Variants in UBE2Q1 observed in about 807,000 individuals in gnomAD.
The protein encoded by UBE2Q1 is ubiquitin conjugating enzyme E2 Q1.
UBE2Q1 carries 6 observed loss-of-function variants against 60.1 expected under a neutral mutation model. The observed-to-expected ratio is 0.10, with a 90% CI of 0.05 to 0.20. UBE2Q1 has a LOEUF of 0.20. UBE2Q1 is among the 10% of genes least tolerant of loss of function. The pLI, the probability that UBE2Q1 is intolerant of heterozygous loss-of-function variation, is 1.00. For missense variants in UBE2Q1, 262 were observed against 525.8 expected (o/e 0.50, Z 4.91); for synonymous variants, 226 against 208.3 (o/e 1.09, Z -0.73).
rs372252308 is a variant in UBE2Q1 at position 154,555,589 on chromosome 1, T to C, written c.433-57A>G. On this transcript the variant is annotated intron_variant, in intron 2 of 12. Transcript: ENST00000292211. ...CCTTCCCCACTCCGATCTGGATAAG[T>C]GCATGGATGAGCTCTTAGTTTGGGC... 9 of 1,508,626 alleles carry C rather than the reference T, an allele frequency of 6.0e-6. No individual in the cohort carries two copies. The African/African-American group carries it at 8.2e-5, about 14-fold the overall frequency. The allele number at this position is 1,508,626 out of a possible 1,614,324, so 93.5% of individuals were successfully genotyped here.
At chr1:154,554,009 G>A (rs1358116559) in intron 4 of UBE2Q1, among the ~76,000 whole-genome samples, 2 of 152,206 alleles carry the variant, frequency 1.3e-5, no homozygotes, top group Non-Finnish European at 2.9e-5. Flanking sequence ...CCCATTTCTG[G>A]CAGGACATAC....
rs1695759141 is a variant in UBE2Q1 at position 154,549,670 on chromosome 1, G to C, written c.*768C>G. 6.6e-6 allele frequency: 1 copy of C among 152,606 alleles called. No homozygotes were observed. Among genetic ancestry groups the C allele is most frequent in the Admixed American group, 6.5e-5 (1 of 15,282 alleles). The allele number at this position is 152,606 out of a possible 1,614,324, so 9.5% of individuals were successfully genotyped here. A position where few individuals can be genotyped will look rare whatever the true frequency, so the allele number is the denominator to read the frequency against. The stretch of plus-strand genomic sequence containing the variant: ...CTCATTTTCTTTTTCTTAGAAATTT[G>C]AAAACATCTGTGACTAGAAAAGTAG... On this transcript the variant is annotated 3_prime_UTR_variant, in exon 13 of 13. Transcript: ENST00000292211.
chr1:154,555,825 G>A lies in UBE2Q1; in HGVS notation c.432+35C>T. On this transcript the variant is annotated intron_variant, in intron 2 of 12. Coordinates refer to ENST00000292211, the MANE Select transcript of UBE2Q1 (RefSeq NM_017582.7). Reference sequence around the variant, plus strand: ...TGCCTTTGTGGCATGGGCCTCATAAGAACAAAATGTACCCCTACCCTGTGG... The same window carrying A: ...TGCCTTTGTGGCATGGGCCTCATAAAAACAAAATGTACCCCTACCCTGTGG... 5 of 1,594,840 alleles carry A rather than the reference G, an allele frequency of 3.1e-6. No individual in the cohort carries two copies. In the Middle Eastern group the frequency reaches 6.6e-4, roughly 212 times the overall value.
rs760934058 is a variant in UBE2Q1, at chr1:154,552,094, T to G, written c.965A>C (p.Lys322Thr). 1 of 1,614,130 alleles carries G rather than the reference T, an allele frequency of 6.2e-7. No homozygotes were observed. The highest frequency in any genetic ancestry group is 1.7e-5 in the Admixed American group (1 of 60,018). ...GAGACTGGAAAAGAAAAGTCTTACTTTAAAGGAAAAGTTAAGTAGAATGAA... is the reference window on the plus strand; with the variant it reads ...GAGACTGGAAAAGAAAAGTCTTACTGTAAAGGAAAAGTTAAGTAGAATGAA... ...ADFILLNFSF[K>T]DNFPFDPPFV... The change falls in exon 8 of 13, where the codon AAA becomes ACA. Residue 322 changes from lysine to threonine, a missense_variant and splice_region_variant. Lys to Thr is a moderately conservative substitution (Grantham distance 78, BLOSUM62 -1). Around this residue, in one of 5 missense-constraint regions of UBE2Q1, gnomAD observed 111 missense variants for 266.8 expected, o/e 0.42. Transcript: ENST00000292211.
chr1:154,558,467 G>A lies in UBE2Q1; in HGVS notation c.87C>T (p.Gly29=). Reference sequence around the variant, plus strand: ...CCGGCCCCGGGCCCCCCCCTGGGCCGCCCCCGGCCCCCGGCGCCGCCCCCT... The same window carrying A: ...CCGGCCCCGGGCCCCCCCCTGGGCCACCCCCGGCCCCCGGCGCCGCCCCCT... ...GGQGAAPGAG[G]GPGGGPGPGP... is the part of the protein sequence containing the mutation. Residue 29 remains glycine (G), a synonymous_variant, in exon 1 of 13, where the codon GGC becomes GGT. Transcript: ENST00000292211. 1.6e-6 allele frequency: 2 copies of A among 1,231,606 alleles called. No homozygotes were observed. Among genetic ancestry groups the A allele is most frequent in the Non-Finnish European group, 2.0e-6 (2 of 988,254 alleles). The allele number at this position is 1,231,606 out of a possible 1,614,324, so 76.3% of individuals were successfully genotyped here. A position where few individuals can be genotyped will look rare whatever the true frequency, so the allele number is the denominator to read the frequency against.
chr1:154,551,986 G>T lies in UBE2Q1; in HGVS notation c.967-7C>A, dbSNP rs769264431. 15 of 1,614,210 alleles carry T rather than the reference G, an allele frequency of 9.3e-6. No homozygotes were observed. The highest frequency in any genetic ancestry group is 1.3e-5 in the Non-Finnish European group (15 of 1,180,044). On this transcript the variant is annotated splice_polypyrimidine_tract_variant and splice_region_variant and intron_variant, in intron 8 of 12. Coordinates refer to ENST00000292211, the MANE Select transcript of UBE2Q1 (RefSeq NM_017582.7). ...GGTCAAAGGGAAAGTTATCCTGAGA[G>T]AGAGAGAGACGACAATCAGGGGAGG...
Position 154,558,649 on chromosome 1 carries a change from G to T in UBE2Q1, c.-96C>A. 1.1e-6 allele frequency: 1 copy of T among 878,168 alleles called. No individual in the cohort carries two copies. Among genetic ancestry groups the T allele is most frequent in the Non-Finnish European group, 1.4e-6 (1 of 739,954 alleles). The allele number at this position is 878,168 out of a possible 1,614,324, so 54.4% of individuals were successfully genotyped here. ...CCGCCGCCGCCGCCGCCGCCGCCGCGGTCCGCACTTCCTGATCCCCCCTTC... is the reference window on the plus strand; with the variant it reads ...CCGCCGCCGCCGCCGCCGCCGCCGCTGTCCGCACTTCCTGATCCCCCCTTC... On this transcript the variant is annotated 5_prime_UTR_variant, in exon 1 of 13. Coordinates refer to ENST00000292211, the MANE Select transcript of UBE2Q1 (RefSeq NM_017582.7).
At chr1:154,555,765 T>A (rs1246210387) in intron 2 of UBE2Q1, 95 bp downstream of exon 2, 1 of 1,180,030 alleles carries the variant, frequency 8.5e-7, no homozygotes, top group East Asian at 2.4e-5. Context: ...TGTTTAGCTG[T>A]GTACCGTCCA....
At chr1:154,551,212 TAGGGGTGCCCCTAGGGGCCA>T in intron 11 of UBE2Q1, 165 bp downstream of exon 11, 1 of 835,254 alleles carries the variant, frequency 1.2e-6, no homozygotes, top group Non-Finnish European at 1.9e-6. Context: ...CCAAAAGTCC[TAGGGGTGCCCCTAGGGGCCA>T]AGGCACAGTT....
At position 154,554,684 on chromosome 1, in the gene UBE2Q1, T is replaced by C. The variant is rs1044889190; in HGVS notation, c.588+51A>G. ...GGAGTTCTGGATATGGGTACCAATGTTGCTGACTGCAAGAGCTTCCAGCCA... is the reference window on the plus strand; with the variant it reads ...GGAGTTCTGGATATGGGTACCAATGCTGCTGACTGCAAGAGCTTCCAGCCA... On this transcript the variant is annotated intron_variant, in intron 4 of 12. Transcript: ENST00000292211. 5 of 1,589,144 alleles carry C rather than the reference T, an allele frequency of 3.1e-6. No homozygotes were observed. The South Asian group carries it at 3.3e-5, about 11-fold the overall frequency.
In UBE2Q1 at chr1:154,558,614, T is replaced by TCCGGCCTGCGCTCCGGGCTCCG. The variant is rs1695938041; in HGVS notation, c.-62_-61insCGGAGCCCGGAGCGCAGGCCGG. On this transcript the variant is annotated 5_prime_UTR_variant, in exon 1 of 13. Coordinates refer to ENST00000292211, the MANE Select transcript of UBE2Q1 (RefSeq NM_017582.7). ...GGAGCCTCCGGCCTGCGCTCCGGGC[T>TCCGGCCTGCGCTCCGGGCTCCG]CCGCCGCCGCCGCCGCCGCCGCCGC... 1 of 751,250 alleles carries TCCGGCCTGCGCTCCGGGCTCCG rather than the reference T, an allele frequency of 1.3e-6. No homozygotes were observed. Among genetic ancestry groups the TCCGGCCTGCGCTCCGGGCTCCG allele is most frequent in the Admixed American group, 6.5e-5 (1 of 15,384 alleles). 46.5% of individuals were successfully genotyped at this position (751,250 alleles called of 1,614,324 possible). A position where few individuals can be genotyped will look rare whatever the true frequency, so the allele number is the denominator to read the frequency against.
At chr1:154,555,832 A>G in intron 2 of UBE2Q1, 28 bp downstream of exon 2, 1 of 1,605,078 alleles carries the variant, frequency 6.2e-7, no homozygotes, top group Non-Finnish European at 8.5e-7. Flanking sequence ...TAAGAACAAA[A>G]TGTACCCCTA....
rs1297518207 is a variant in UBE2Q1, at chr1:154,558,282, A to G, written c.272T>C (p.Leu91Pro). ...AGAGAAPGPH[L>P]PPRGSVPGDP... ...CCCAGGCACCGACCCCCGTGGGGGG[A>G]GATGCGGTCCGGGCGCGGCCCCCGC... Residue 91 changes from leucine (L) to proline (P), a missense_variant, in exon 1 of 13, where the codon CTC (leucine) becomes CCC (proline). Coordinates refer to ENST00000292211, the MANE Select transcript of UBE2Q1 (RefSeq NM_017582.7). 1.9e-6 allele frequency: 3 copies of G among 1,580,322 alleles called. No homozygotes were observed. Among genetic ancestry groups the G allele is most frequent in the Non-Finnish European group, 2.6e-6 (3 of 1,166,312 alleles).
chr1:154,551,375 G>C, intron 11 of UBE2Q1, 22 bp downstream of exon 11: 3 of 1,612,224 alleles, frequency 1.9e-6, no homozygotes, highest in Non-Finnish European at 2.5e-6. Context: ...AGCCCCACCA[G>C]CCCCAGGACC....
intron 4 of UBE2Q1, among the ~76,000 whole-genome samples, chr1:154,553,407 A>G (rs773047616): frequency 1.3e-5 from 2 of 152,238 alleles, no homozygotes; most frequent in Non-Finnish European, 2.9e-5. Context: ...TTCGGAAACG[A>G]GCAGAGCTGC....
Position 154,555,491 on chromosome 1 carries a change from T to C in UBE2Q1, c.474A>G (p.Lys158=). The C allele has an allele frequency of 6.2e-7, 1 of 1,613,826 alleles. No individual in the cohort carries two copies. Among genetic ancestry groups the C allele is most frequent in the Non-Finnish European group, 8.5e-7 (1 of 1,179,946 alleles). The part of the protein sequence containing the change: ...HLKRIISDLC[K]LYNLPQHPDV... ...CTGGATGCTGAGGGAGGTTATAGAG[T>C]TTACACAGGTCGGAGATGATCCTCT... Residue 158 remains lysine, a synonymous_variant, in exon 3 of 13, where the codon AAA becomes AAG. Transcript: ENST00000292211.
chr1:154,557,466 CA>C (rs1695912682), intron 1 of UBE2Q1, among the ~76,000 whole-genome samples: 1 of 152,208 alleles, frequency 6.6e-6, no homozygotes, highest in African/African-American at 2.4e-5. Context: ...ATGACGCTCA[CA>C]GGGGAGAAAT....
chr1:154,558,573 CG>C lies in UBE2Q1; in HGVS notation c.-21del. On this transcript the variant is annotated 5_prime_UTR_variant, in exon 1 of 13. Transcript: ENST00000292211. ...CTGCATCCTCCGCTCCGCTCCGCTC[CG>C]GGGCCGGCGGGCCGGGAGCCTCCGG... 4 of 1,024,064 alleles carry C rather than the reference CG, an allele frequency of 3.9e-6. No individual in the cohort carries two copies. The highest frequency in any genetic ancestry group is 4.7e-6 in the Non-Finnish European group (4 of 859,516). The allele number at this position is 1,024,064 out of a possible 1,614,324, so 63.4% of individuals were successfully genotyped here.
In UBE2Q1 at chr1:154,553,133, C is replaced by G; in HGVS notation, c.628G>C (p.Glu210Gln). Reference protein sequence around the residue: ...DLDHYEMKEEEPAEGKKSEDD... With the variant: ...DLDHYEMKEEQPAEGKKSEDD... ...TCAGATTTCTTGCCCTCAGCTGGCT[C>G]TTCCTCTTTCATTTCATAGTGATCT... The change falls in exon 5 of 13, where the codon GAG becomes CAG. Residue 210 changes from glutamate to glutamine, a missense_variant. By Grantham distance (29) the Glu-to-Gln change is conservative (BLOSUM62 2). Around this residue, in one of 5 missense-constraint regions of UBE2Q1, gnomAD observed 111 missense variants for 266.8 expected, o/e 0.42. Transcript: ENST00000292211. 6.2e-7 allele frequency: 1 copy of G among 1,613,826 alleles called. No homozygotes were observed. Among genetic ancestry groups the G allele is most frequent in the Admixed American group, 1.7e-5 (1 of 60,028 alleles).
Sources: gnomAD v4.1 joint callset for allele counts (sites outside exome capture counted in the v4.1 genomes callset) on GRCh38, gnomAD v4.1.1 for gene constraint, gnomAD v4.1.1 regional missense constraint, MANE v1.5 for transcripts, NCBI Gene and HGNC (gene_info 2026-07-23, HGNC 2026-07-21) for gene names.